The following GLIS3 variants were observed in gnomAD, a reference collection of about 807,000 sequenced individuals.
GLIS3 encodes the protein zinc finger protein GLIS3.
A neutral mutation model predicts 78.6 loss-of-function variants in GLIS3; 53 were observed. The ratio of observed to expected loss-of-function variants is 0.67; its 90% CI spans 0.54 to 0.85. The LOEUF (loss-of-function observed/expected upper bound fraction) is 0.85. Ranked by LOEUF, GLIS3 falls within the 40% of genes least tolerant of loss-of-function variation. The pLI is 0.00. For synonymous variants in GLIS3, 684 were observed against 509.9 expected (o/e 1.34, Z -4.60); for missense variants, 1,703 against 1,231.1 (o/e 1.38, Z -5.74).
intron 4 of GLIS3, among the ~76,000 whole-genome samples, chr9:4,020,280 A>G (rs1014944727): frequency 6.6e-6 from 1 of 152,008 alleles, no homozygotes; most frequent in Non-Finnish European, 1.5e-5. Context: ...AACTTAAGGG[A>G]AAGTTCTGTT....
chr9:4,449,349 C>A, the GLIS3 span, among the ~76,000 whole-genome samples: 2 of 152,222 alleles, frequency 1.3e-5, no homozygotes, highest in African/African-American at 4.8e-5. Flanking sequence ...CACCACAGCT[C>A]TGCAAGGCCT....
At chr9:4,436,192 T>G in the GLIS3 span, among the ~76,000 whole-genome samples, 17 of 152,258 alleles carry the variant, frequency 1.1e-4, no homozygotes, top group Admixed American at 3.9e-4. Flanking sequence ...TCACAAAGCT[T>G]TGTAGTAAAA....
chr9:4,382,248 G>A, the GLIS3 span, among the ~76,000 whole-genome samples: 8 of 152,146 alleles, frequency 5.3e-5, no homozygotes, highest in African/African-American at 1.9e-4. Flanking sequence ...TATTACTCTA[G>A]GTATTGAAAG....
chr9:4,066,256 T>C (rs1827088633), intron 4 of GLIS3, among the ~76,000 whole-genome samples: 1 of 152,136 alleles, frequency 6.6e-6, no homozygotes, highest in South Asian at 2.1e-4. Flanking sequence ...TCATTAACAC[T>C]CATTGCTGTG....
At chr9:4,186,991 T>A (rs1246666778) in intron 2 of GLIS3, among the ~76,000 whole-genome samples, 1 of 152,162 alleles carries the variant, frequency 6.6e-6, no homozygotes, top group African/African-American at 2.4e-5. Flanking sequence ...CAGAAGCTCT[T>A]TAGTTTAATT....
intron 2 of GLIS3, among the ~76,000 whole-genome samples, chr9:4,279,700 G>A (rs542832248): frequency 0.075 from 65 of 866 alleles, no homozygotes; most frequent in African/African-American, 0.11. Flanking sequence ...TTGGTCAGTC[G>A]GTTTGCTTAG....
intron 8 of GLIS3, among the ~76,000 whole-genome samples, chr9:3,875,775 T>A (rs890825759): frequency 1.3e-5 from 2 of 152,164 alleles, no homozygotes; most frequent in African/African-American, 4.8e-5. Context: ...AGGCAAGGGA[T>A]GGGGCACACG....
intron 8 of GLIS3, among the ~76,000 whole-genome samples, chr9:3,860,695 G>A (rs1358450085): frequency 1.3e-5 from 2 of 152,160 alleles, no homozygotes; most frequent in Non-Finnish European, 2.9e-5. Context: ...TACTAGCTGG[G>A]TAAACAAGTA....
Position 4,313,005 on chromosome 9 carries a change from T to G in GLIS3, n.265-2477A>C, listed in dbSNP as rs142537203. On this transcript the variant is annotated intron_variant and non_coding_transcript_variant, in intron 2 of 4. Transcript: ENST00000471664. ...CAGGATACACAATGACAGTAGCTCC[T>G]CTACTTTTTCCAGTCTTGTGGCTTC... 1.4e-3 allele frequency among the ~76,000 whole-genome samples: 220 copies of G among 152,370 alleles called. 1 individual carries two copies. In the East Asian group the frequency reaches 0.017, roughly 12 times the overall value.
Position 3,947,833 on chromosome 9 carries a change from CAG to C in GLIS3, c.1711-10646_1711-10645del, listed in dbSNP as rs548529502. Among the ~76,000 whole-genome samples the C allele has an allele frequency of 7.2e-5, 11 of 152,280 alleles. No homozygotes were observed. In the East Asian group the frequency reaches 1.5e-3, roughly 21 times the overall value. On this transcript the variant is annotated intron_variant, in intron 4 of 10. Transcript: ENST00000381971. ...TAAAATTTCCACCACTGCGACAAGA[CAG>C]GGGGAAAGAGAGTGGCAGAGATATT...
At chr9:4,356,312 T>C in the GLIS3 span, among the ~76,000 whole-genome samples, 1 of 152,156 alleles carries the variant, frequency 6.6e-6, no homozygotes, top group Non-Finnish European at 1.5e-5. Flanking sequence ...TGATCCAGTG[T>C]CTTTCTTTTG....
intron 6 of GLIS3, among the ~76,000 whole-genome samples, chr9:3,930,137 G>A (rs1380867691): frequency 6.6e-6 from 1 of 152,218 alleles, no homozygotes; most frequent in Non-Finnish European, 1.5e-5. Flanking sequence ...ATCCATCATG[G>A]ATTCATAAAG....
chr9:4,268,958 T>G (rs1183333079), intron 2 of GLIS3, among the ~76,000 whole-genome samples: 1 of 152,200 alleles, frequency 6.6e-6, no homozygotes, highest in African/African-American at 2.4e-5. Context: ...TGTTCAATAC[T>G]TCAACAGCTG....
intron 2 of GLIS3, among the ~76,000 whole-genome samples, chr9:4,325,146 T>C (rs1249407647): frequency 6.6e-6 from 1 of 152,174 alleles, no homozygotes; most frequent in African/African-American, 2.4e-5. Context: ...ATAAAGCCCA[T>C]AGCTACACCA....
At chr9:4,015,888 CA>C (rs1049791263) in intron 4 of GLIS3, among the ~76,000 whole-genome samples, 106 of 32,248 alleles carry the variant, frequency 3.3e-3, no homozygotes, top group East Asian at 0.021. Context: ...GACTCTGTCT[CA>C]AAAAAAAAAA....
At chr9:4,047,206 C>A (rs897324390) in intron 4 of GLIS3, among the ~76,000 whole-genome samples, 1 of 152,136 alleles carries the variant, frequency 6.6e-6, no homozygotes, top group African/African-American at 2.4e-5. Flanking sequence ...CCCCTTCGCT[C>A]TGTCTCTCGC....
At chr9:3,998,458 A>G (rs1303878415) in intron 4 of GLIS3, among the ~76,000 whole-genome samples, 2 of 152,062 alleles carry the variant, frequency 1.3e-5, no homozygotes, top group Non-Finnish European at 2.9e-5. Flanking sequence ...TTAGAATTAC[A>G]ATAATGTACT....
chr9:4,444,218 G>C, the GLIS3 span, among the ~76,000 whole-genome samples: 23 of 152,094 alleles, frequency 1.5e-4, 1 homozygote, highest in Non-Finnish European at 2.5e-4. Context: ...ACATACAAAG[G>C]CTCTTCTGCA....
chr9:3,954,601 C>G (rs1033534864), intron 4 of GLIS3, among the ~76,000 whole-genome samples: 1 of 152,198 alleles, frequency 6.6e-6, no homozygotes, highest in Non-Finnish European at 1.5e-5. Context: ...TGCAAATTTC[C>G]TACAGTATTC....
Sources: gnomAD v4.1 joint callset for allele counts (sites outside exome capture counted in the v4.1 genomes callset) on GRCh38, gnomAD v4.1.1 for gene constraint, MANE v1.5 for transcripts, NCBI Gene and HGNC (gene_info 2026-07-23, HGNC 2026-07-21) for gene names.